The following CLIC4 variants were observed in gnomAD, a reference collection of about 807,000 sequenced individuals.
CLIC4 encodes chloride intracellular channel protein 4.
Under a neutral mutation model 24.6 loss-of-function variants are expected in CLIC4, and 13 were observed. That is an observed-to-expected ratio of 0.53 (90% CI 0.34 to 0.84). The LOEUF is 0.84. Among genes scored for constraint, CLIC4 ranks in the 40% least tolerant of loss-of-function variants. The pLI, the probability that CLIC4 is intolerant of heterozygous loss-of-function variation, is 0.01. For synonymous variants in CLIC4, 104 were observed against 111.3 expected, an observed-to-expected ratio of 0.93 and a Z score of 0.41; for missense variants, 227 against 301.7, an observed-to-expected ratio of 0.75 and a Z score of 1.83.
chr1:24,806,517 A>AT (rs1351220398), intron 2 of CLIC4, among the ~76,000 whole-genome samples: 1 of 152,186 alleles, frequency 6.6e-6, no homozygotes, highest in Non-Finnish European at 1.5e-5. Flanking sequence ...TATTTAAAAA[A>AT]ATATATATAT....
In CLIC4 at chr1:24,754,558, C is replaced by T. The variant is rs1202795092; in HGVS notation, c.72+8933C>T. On this transcript the variant is annotated intron_variant, in intron 1 of 5. Coordinates refer to ENST00000374379, the MANE Select transcript of CLIC4 (RefSeq NM_013943.3). ...GAGGAGTAAGCTAGGATGGGTTTGC[C>T]TGTTTTAGACGCTTGCATAGAGAAT... 2.0e-5 allele frequency among the ~76,000 whole-genome samples: 3 copies of T among 152,174 alleles called. No homozygotes were observed. In the East Asian group the frequency reaches 5.8e-4, roughly 29 times the overall value.
At chr1:24,808,999 C>G (rs2124146707) in intron 2 of CLIC4, among the ~76,000 whole-genome samples, 1 of 152,054 alleles carries the variant, frequency 6.6e-6, no homozygotes, top group East Asian at 1.9e-4. Context: ...ATTTTTGATC[C>G]TCAGTTGGTT....
chr1:24,758,559 T>C (rs1638881632), intron 1 of CLIC4, among the ~76,000 whole-genome samples: 1 of 151,986 alleles, frequency 6.6e-6, no homozygotes, highest in South Asian at 2.1e-4. Context: ...CTGGTTCAAG[T>C]GATTCTCTTG....
chr1:24,813,025 C>A (rs1557810236), intron 2 of CLIC4, among the ~76,000 whole-genome samples: 2 of 143,706 alleles, frequency 1.4e-5, no homozygotes, highest in African/African-American at 2.6e-5. Flanking sequence ...TTGAAAAATA[C>A]CTTTCTTTCT....
At chr1:24,810,859 G>A (rs1013030569) in intron 2 of CLIC4, among the ~76,000 whole-genome samples, 1 of 151,908 alleles carries the variant, frequency 6.6e-6, no homozygotes, top group African/African-American at 2.4e-5. Flanking sequence ...GCCGAGGTGG[G>A]CGGATCATGA....
chr1:24,783,111 G>A (rs1639224794), intron 1 of CLIC4, among the ~76,000 whole-genome samples: 1 of 152,126 alleles, frequency 6.6e-6, no homozygotes, highest in South Asian at 2.1e-4. Context: ...CATACATTGT[G>A]GCATTTTATC....
At chr1:24,783,137 G>A (rs1368761661) in intron 1 of CLIC4, among the ~76,000 whole-genome samples, 1 of 152,164 alleles carries the variant, frequency 6.6e-6, no homozygotes, top group African/African-American at 2.4e-5. Flanking sequence ...ATACTTCAGT[G>A]TGGATTCCCT....
chr1:24,754,383 C>T (rs1376037895), intron 1 of CLIC4, among the ~76,000 whole-genome samples: 1 of 152,122 alleles, frequency 6.6e-6, no homozygotes, highest in Non-Finnish European at 1.5e-5. Context: ...GGATGGTGAG[C>T]CATCCTTTTC....
At chr1:24,807,882 T>C (rs1474858559) in intron 2 of CLIC4, among the ~76,000 whole-genome samples, 2 of 152,244 alleles carry the variant, frequency 1.3e-5, no homozygotes, top group Non-Finnish European at 2.9e-5. Flanking sequence ...GGATATGTTT[T>C]ATGAATTTGG....
At chr1:24,767,335 A>G (rs1639014400) in intron 1 of CLIC4, among the ~76,000 whole-genome samples, 1 of 152,210 alleles carries the variant, frequency 6.6e-6, no homozygotes, top group Non-Finnish European at 1.5e-5. Context: ...TCTAACTCAT[A>G]GTAAGCCTTG....
chr1:24,801,349 TG>T (rs1639488277), intron 2 of CLIC4, among the ~76,000 whole-genome samples: 1 of 152,126 alleles, frequency 6.6e-6, no homozygotes, highest in Admixed American at 6.5e-5. Flanking sequence ...GAAGCAGACA[TG>T]TCTTTCATGG....
chr1:24,802,827 T>C (rs1639505993), intron 2 of CLIC4, among the ~76,000 whole-genome samples: 1 of 151,668 alleles, frequency 6.6e-6, no homozygotes, highest in Admixed American at 6.6e-5. Context: ...TCCTCCAGCC[T>C]CAGCCTCCCA....
Position 24,814,239 on chromosome 1 carries a change from C to A in CLIC4, c.308+20C>A. ...TCCCAAGTGAGTATCAAGGAAAATA[C>A]GTATGAAAATATTGTCACTTCTTTG... On this transcript the variant is annotated intron_variant, in intron 3 of 5. Transcript: ENST00000374379. 1 of 1,600,208 alleles carries A rather than the reference C, an allele frequency of 6.2e-7. No homozygotes were observed. The highest frequency in any genetic ancestry group is 2.2e-5 in the East Asian group (1 of 44,776).
intron 4 of CLIC4, among the ~76,000 whole-genome samples, chr1:24,839,337 T>C (rs1571270042): frequency 6.6e-6 from 1 of 152,212 alleles, no homozygotes; most frequent in African/African-American, 2.4e-5. Context: ...TCTCGCTCTT[T>C]CGCCCAGGCT....
intron 2 of CLIC4, 90 bp from the exon 3 acceptor site, chr1:24,814,004 A>G: frequency 6.6e-7 from 1 of 1,513,242 alleles, no homozygotes; most frequent in Non-Finnish European, 9.1e-7. Flanking sequence ...GACGCAAGCC[A>G]CCGTGCCTGG....
At chr1:24,778,454 T>C (rs1639166446) in intron 1 of CLIC4, among the ~76,000 whole-genome samples, 1 of 152,198 alleles carries the variant, frequency 6.6e-6, no homozygotes, top group African/African-American at 2.4e-5. Flanking sequence ...TTTTGATTTA[T>C]TGTAGTTGAT....
At chr1:24,819,841 G>A (rs1324110092) in intron 3 of CLIC4, among the ~76,000 whole-genome samples, 1 of 150,032 alleles carries the variant, frequency 6.7e-6, no homozygotes, top group Non-Finnish European at 1.5e-5. Flanking sequence ...CTGGGTTCAA[G>A]CGATTCTCCT....
intron 1 of CLIC4, among the ~76,000 whole-genome samples, chr1:24,786,504 A>G (rs762448646): frequency 2.6e-5 from 4 of 152,266 alleles, no homozygotes; most frequent in East Asian, 3.8e-4. Flanking sequence ...TACTCCTTTT[A>G]TAAGAATAAA....
At chr1:24,775,134 A>G (rs2124105811) in intron 1 of CLIC4, among the ~76,000 whole-genome samples, 1 of 151,088 alleles carries the variant, frequency 6.6e-6, no homozygotes, top group African/African-American at 2.4e-5. Flanking sequence ...TGATAATTCA[A>G]CAGTCATTCA....
Sources: gnomAD v4.1 joint callset for allele counts (sites outside exome capture counted in the v4.1 genomes callset) on GRCh38, gnomAD v4.1.1 for gene constraint, MANE v1.5 for transcripts, NCBI Gene and HGNC (gene_info 2026-07-23, HGNC 2026-07-21) for gene names.